The following POMT2 variants were observed in gnomAD, a reference collection of about 807,000 sequenced individuals.
POMT2 encodes the protein protein O-mannosyltransferase 2, also known as protein O-mannosyl-transferase 2.
Under a neutral mutation model 100.0 loss-of-function variants are expected in POMT2, and 75 were observed. The ratio of observed to expected loss-of-function variants is 0.75; its 90% CI spans 0.62 to 0.91. The LOEUF (loss-of-function observed/expected upper bound fraction) is 0.91, where lower values mean the gene tolerates loss of function less well. POMT2 is among the 40% of genes least tolerant of loss of function. The probability of loss-of-function intolerance (pLI) is 0.00; values close to 1 mark genes in which losing one functional copy is unlikely to be tolerated. For missense variants in POMT2, 940 were observed against 955.1 expected, an observed-to-expected ratio of 0.98 and a Z score of 0.21; for synonymous variants, 378 against 374.1, an observed-to-expected ratio of 1.01 and a Z score of -0.12.
Position 77,288,980 on chromosome 14 carries a change from A to G in POMT2, c.1184-149T>C, listed in dbSNP as rs1330389849. On this transcript the variant is annotated intron_variant, in intron 10 of 20. Transcript: ENST00000261534. ...GAGACCAAAGAGGAAAGACCCCTAA[A>G]TTGCTTCAGGGTATTAGAGAAGGGT... 1.3e-5 allele frequency: 9 copies of G among 715,630 alleles called. No homozygotes were observed. In the African/African-American group the frequency reaches 1.6e-4, roughly 13 times the overall value. 44.3% of individuals were successfully genotyped at this position (715,630 alleles called of 1,614,324 possible).
rs113433642 is a variant in POMT2 at position 77,308,752 on chromosome 14, C to T, written c.334-2311G>A. 5.9e-3 allele frequency: 2,701 copies of T among 454,360 alleles called. 32 individuals carry two copies. Among genetic ancestry groups the T allele is most frequent in the African/African-American group, 0.037 (1,856 of 50,084 alleles). The allele number at this position is 454,360 out of a possible 1,614,324, so 28.1% of individuals were successfully genotyped here. ...TTGGTGGGAGTATATATGATTACAA[C>T]ATCTTTGCAGGAAAACTTAGCAATA... On this transcript the variant is annotated intron_variant, in intron 2 of 20. Transcript: ENST00000261534.
At chr14:77,288,652 G>T in intron 11 of POMT2, 110 bp downstream of exon 11, 1 of 907,098 alleles carries the variant, frequency 1.1e-6, no homozygotes, top group Non-Finnish European at 1.8e-6. Flanking sequence ...CTGTGGCCTT[G>T]CTCCATTGAC....
intron 11 of POMT2, among the ~76,000 whole-genome samples, chr14:77,288,325 C>A (rs1890510824): frequency 6.6e-6 from 1 of 152,172 alleles, no homozygotes; most frequent in African/African-American, 2.4e-5. Flanking sequence ...AGCTAGCTTG[C>A]CATATTCTCA....
intron 3 of POMT2, among the ~76,000 whole-genome samples, chr14:77,306,064 T>C (rs910191628): frequency 6.6e-6 from 1 of 152,234 alleles, no homozygotes; most frequent in Non-Finnish European, 1.5e-5. Context: ...ACCTGAGGTC[T>C]GACAGTATAC....
chr14:77,297,521 G>A (rs937981906), intron 8 of POMT2, among the ~76,000 whole-genome samples: 14 of 152,076 alleles, frequency 9.2e-5, no homozygotes, highest in Admixed American at 7.2e-4. Flanking sequence ...AACCCCTCTC[G>A]CGTGGAATTC....
At chr14:77,320,135 T>G (rs909900674) in intron 1 of POMT2, among the ~76,000 whole-genome samples, 1 of 152,152 alleles carries the variant, frequency 6.6e-6, no homozygotes, top group African/African-American at 2.4e-5. Flanking sequence ...CTTTGGAAAG[T>G]TGAAAGCACC....
intron 1 of POMT2, 82 bp downstream of exon 1, chr14:77,320,352 C>A: frequency 6.5e-7 from 1 of 1,538,462 alleles, no homozygotes; most frequent in South Asian, 1.2e-5. Context: ...AGATCCCGCC[C>A]CCTCCGTACC....
At position 77,320,645 on chromosome 14, in the gene POMT2, C is replaced by T. The variant is rs747244194; in HGVS notation, c.37G>A (p.Glu13Lys). 10 of 1,593,500 alleles carry T rather than the reference C, an allele frequency of 6.3e-6. No homozygotes were observed. Among genetic ancestry groups the T allele is most frequent in the Non-Finnish European group, 6.8e-6 (8 of 1,177,988 alleles). The change falls in exon 1 of 21, where the codon GAG becomes AAG. Residue 13 changes from glutamate (E) to lysine (K), a missense_variant. By Grantham distance (56) the Glu-to-Lys change is moderately conservative. Coordinates refer to ENST00000261534, the MANE Select transcript of POMT2 (RefSeq NM_013382.7). The stretch of plus-strand genomic sequence containing the variant: ...CAGCGGCCCCTCCGGGGACGCAGCT[C>T]GGACTCTGCCAGGCCTCCGCCCGTG... ...PATGGGLAES[E>K]LRPRRGRCGP...
At chr14:77,298,858 A>G (rs1890923298) in intron 7 of POMT2, 87 bp from the exon 8 acceptor site, 1 of 1,251,002 alleles carries the variant, frequency 8.0e-7, no homozygotes, top group Non-Finnish European at 1.1e-6. Flanking sequence ...CTCTGCTCAG[A>G]TAGTTTAAGG....
intron 1 of POMT2, among the ~76,000 whole-genome samples, chr14:77,318,737 T>A (rs1430738101): frequency 7.8e-6 from 1 of 128,338 alleles, no homozygotes; most frequent in African/African-American, 3.7e-5. Context: ...GGTAGTTAAT[T>A]TTTTTTTTTT....
chr14:77,315,487 G>C (rs78170542), intron 1 of POMT2, among the ~76,000 whole-genome samples: 4,366 of 152,298 alleles, frequency 0.029, 217 homozygotes, highest in African/African-American at 0.1. Flanking sequence ...TCCCTGTAGG[G>C]AAGGGAAGTT....
intron 8 of POMT2, among the ~76,000 whole-genome samples, chr14:77,297,946 G>A (rs1483589807): frequency 6.6e-6 from 1 of 152,158 alleles, no homozygotes; most frequent in Non-Finnish European, 1.5e-5. Context: ...TCCACGGCCT[G>A]TTTTAGGAAG....
At chr14:77,310,963 G>A (rs1217898787) in intron 2 of POMT2, among the ~76,000 whole-genome samples, 1 of 152,172 alleles carries the variant, frequency 6.6e-6, no homozygotes, top group Non-Finnish European at 1.5e-5. Context: ...GTGAAACCCC[G>A]TCTCTACTGA....
intron 5 of POMT2, among the ~76,000 whole-genome samples, chr14:77,301,514 A>G (rs1891042168): frequency 1.3e-5 from 2 of 152,178 alleles, no homozygotes; most frequent in Admixed American, 1.3e-4. Context: ...TACAGGGCTC[A>G]GGGTAAGTGG....
intron 7 of POMT2, 24 bp downstream of exon 7, chr14:77,299,431 A>G: frequency 6.2e-7 from 1 of 1,601,018 alleles, no homozygotes; most frequent in Non-Finnish European, 8.6e-7. Context: ...CAGAAGCAAG[A>G]TGCTGCAAAG....
intron 1 of POMT2, among the ~76,000 whole-genome samples, chr14:77,318,778 T>C (rs1335315664): frequency 2.0e-5 from 3 of 148,244 alleles, no homozygotes; most frequent in Non-Finnish European, 3.0e-5. Context: ...CTTTGTCGCC[T>C]AGGCTGGAAT....
chr14:77,319,703 T>C (rs1891775963), intron 1 of POMT2: 1 of 152,414 alleles, frequency 6.6e-6, no homozygotes, highest in African/African-American at 2.4e-5. Context: ...GGGACTTGGA[T>C]GGCAAGGGAA....
chr14:77,280,887 T>C (rs929125866), intron 15 of POMT2, among the ~76,000 whole-genome samples: 3 of 150,836 alleles, frequency 2.0e-5, no homozygotes, highest in Admixed American at 1.3e-4. Context: ...AGGTCAGGAG[T>C]TCAAGACCAG....
intron 8 of POMT2, among the ~76,000 whole-genome samples, chr14:77,297,634 G>T (rs1042579476): frequency 6.6e-6 from 1 of 152,190 alleles, no homozygotes; most frequent in African/African-American, 2.4e-5. Context: ...CAAAGTCCTG[G>T]AAAGACTAAA....
Sources: allele counts gnomAD v4.1 joint callset (sites outside exome capture counted in the v4.1 genomes callset), GRCh38; gene constraint gnomAD v4.1.1; transcripts MANE v1.5; gene names NCBI Gene and HGNC (gene_info 2026-07-23, HGNC 2026-07-21).